EFCAB5: variants seen among roughly 807,000 people sequenced by gnomAD.
The protein encoded by EFCAB5 is EF-hand calcium-binding domain-containing protein 5.
Under a neutral mutation model 167.9 loss-of-function variants are expected in EFCAB5, and 131 were observed. That is an observed-to-expected ratio of 0.78 (90% CI 0.68 to 0.90). The LOEUF (loss-of-function observed/expected upper bound fraction) is 0.90, where lower values mean the gene tolerates loss of function less well. Among genes scored for constraint, EFCAB5 ranks in the 40% least tolerant of loss-of-function variants. The pLI is 0.00. For synonymous variants in EFCAB5, 574 were observed against 602.8 expected, an observed-to-expected ratio of 0.95 and a Z score of 0.70; for missense variants, 1,663 against 1,745.2, an observed-to-expected ratio of 0.95 and a Z score of 0.84.
At chr17:30,003,423 G>A (rs2068708359) in intron 7 of EFCAB5, among the ~76,000 whole-genome samples, 1 of 151,904 alleles carries the variant, frequency 6.6e-6, no homozygotes, top group Non-Finnish European at 1.5e-5. Context: ...TGTAGAAACA[G>A]GGTCTCCCTA....
At chr17:30,106,366 T>G (rs1020117247) in intron 22 of EFCAB5, among the ~76,000 whole-genome samples, 1 of 152,094 alleles carries the variant, frequency 6.6e-6, no homozygotes, top group Non-Finnish European at 1.5e-5. Context: ...AAACATGTAT[T>G]GGGTTAGGCA....
chr17:30,015,264 C>A (rs1171588864), intron 7 of EFCAB5, among the ~76,000 whole-genome samples: 2 of 152,140 alleles, frequency 1.3e-5, no homozygotes, highest in Admixed American at 1.3e-4. Context: ...GTAAATCTGA[C>A]AATTATGTGT....
At chr17:29,973,541 G>C (rs1410292111) in intron 4 of EFCAB5, among the ~76,000 whole-genome samples, 1 of 147,288 alleles carries the variant, frequency 6.8e-6, no homozygotes, top group Non-Finnish European at 1.5e-5. Context: ...GTGCAGTGGC[G>C]GGATCTTGGC....
intron 4 of EFCAB5, among the ~76,000 whole-genome samples, chr17:29,989,942 T>A (rs1264850250): frequency 1.3e-5 from 2 of 152,138 alleles, no homozygotes; most frequent in Non-Finnish European, 2.9e-5. Flanking sequence ...CCTTGCGAAT[T>A]TTTTCCTAGT....
chr17:29,934,988 T>G (rs917871257), intron 1 of EFCAB5, among the ~76,000 whole-genome samples: 2 of 151,778 alleles, frequency 1.3e-5, no homozygotes, highest in African/African-American at 4.8e-5. Flanking sequence ...ATGACTTATA[T>G]AGCTAAGCTT....
chr17:30,029,914 C>G (rs1234664500), intron 7 of EFCAB5, among the ~76,000 whole-genome samples: 1 of 152,096 alleles, frequency 6.6e-6, no homozygotes, highest in Non-Finnish European at 1.5e-5. Flanking sequence ...ACATTCTCAG[C>G]ATTAAGTCAG....
intron 7 of EFCAB5, among the ~76,000 whole-genome samples, chr17:30,031,505 A>G (rs2069478797): frequency 2.0e-5 from 3 of 152,238 alleles, no homozygotes; most frequent in Non-Finnish European, 4.4e-5. Context: ...GTAGACAAAC[A>G]CAATGGCTGA....
chr17:29,968,693 TAA>T (rs2067884284), intron 3 of EFCAB5, 96 bp from the exon 4 acceptor site: 2 of 971,656 alleles, frequency 2.1e-6, no homozygotes, highest in South Asian at 4.3e-5. Flanking sequence ...ATCCACTGTG[TAA>T]ATGGATATAA....
chr17:29,965,046 C>T lies in EFCAB5; in HGVS notation c.191-3745C>T, dbSNP rs1483831284. Among the ~76,000 whole-genome samples the T allele has an allele frequency of 5.3e-5, 8 of 151,756 alleles. No homozygotes were observed. In the East Asian group the frequency reaches 9.7e-4, roughly 18 times the overall value. ...CCTGCCGAGTAGTTCGGACTACAGGCGCCTGCCACCACATCCGGCTAATTT... is the reference window on the plus strand; with the variant it reads ...CCTGCCGAGTAGTTCGGACTACAGGTGCCTGCCACCACATCCGGCTAATTT... On this transcript the variant is annotated intron_variant, in intron 3 of 22. Coordinates refer to ENST00000394835, the MANE Select transcript of EFCAB5 (RefSeq NM_198529.4).
At chr17:29,952,210 C>A (rs1270008904) in intron 3 of EFCAB5, among the ~76,000 whole-genome samples, 3 of 152,182 alleles carry the variant, frequency 2.0e-5, no homozygotes, top group East Asian at 1.9e-4. Flanking sequence ...AGGTTCCTAG[C>A]TAGTTCCCTC....
At chr17:29,994,350 G>T (rs2068500205) in intron 5 of EFCAB5, among the ~76,000 whole-genome samples, 1 of 151,500 alleles carries the variant, frequency 6.6e-6, no homozygotes. Context: ...AAGTATAGAG[G>T]ATTCTTTGGA....
chr17:29,976,721 G>A (rs2068070547), intron 4 of EFCAB5, among the ~76,000 whole-genome samples: 1 of 152,072 alleles, frequency 6.6e-6, no homozygotes, highest in Non-Finnish European at 1.5e-5. Context: ...AAAAGAAAAT[G>A]TATTTGTTTT....
intron 14 of EFCAB5, among the ~76,000 whole-genome samples, chr17:30,066,375 T>A (rs933366288): frequency 2.0e-5 from 3 of 152,088 alleles, no homozygotes; most frequent in African/African-American, 7.2e-5. Context: ...GAATTTAAAA[T>A]TTTTTTTGAA....
chr17:29,963,027 A>T (rs2067752664), intron 3 of EFCAB5, among the ~76,000 whole-genome samples: 1 of 152,070 alleles, frequency 6.6e-6, no homozygotes, highest in African/African-American at 2.4e-5. Flanking sequence ...CTGAAGCCTC[A>T]AACTCCAGGG....
At chr17:30,030,099 C>A (rs771075434) in intron 7 of EFCAB5, among the ~76,000 whole-genome samples, 2 of 152,118 alleles carry the variant, frequency 1.3e-5, no homozygotes, top group African/African-American at 4.8e-5. Flanking sequence ...AGGCTCCCAT[C>A]GATTTTCACC....
At chr17:30,097,961 GC>G (rs1049612814) in intron 22 of EFCAB5, among the ~76,000 whole-genome samples, 4 of 151,864 alleles carry the variant, frequency 2.6e-5, no homozygotes, top group African/African-American at 9.7e-5. Context: ...TTGAGACAGG[GC>G]CCCCCTCTAT....
In EFCAB5 at chr17:30,090,213, C is replaced by T. The variant is rs1286593476; in HGVS notation, c.3684-208C>T. Among the ~76,000 whole-genome samples the T allele has an allele frequency of 2.0e-5, 3 of 152,168 alleles. No homozygotes were observed. The East Asian group carries it at 5.8e-4, about 29-fold the overall frequency. On this transcript the variant is annotated intron_variant, in intron 19 of 22. Coordinates refer to ENST00000394835, the MANE Select transcript of EFCAB5 (RefSeq NM_198529.4). Reference sequence around the variant, plus strand: ...GGGTGGTCAGGGACGCCTTCTCTGCCGAGGGGATGTTTGAGCAGAGACATG... The same window carrying T: ...GGGTGGTCAGGGACGCCTTCTCTGCTGAGGGGATGTTTGAGCAGAGACATG...
intron 8 of EFCAB5, among the ~76,000 whole-genome samples, chr17:30,045,806 C>T (rs2069910692): frequency 6.6e-6 from 1 of 151,132 alleles, no homozygotes; most frequent in African/African-American, 2.4e-5. Context: ...TCAAGACCTG[C>T]CTGGGCAACA....
chr17:30,097,877 C>T (rs2071326144), intron 22 of EFCAB5, among the ~76,000 whole-genome samples: 1 of 151,924 alleles, frequency 6.6e-6, no homozygotes, highest in African/African-American at 2.4e-5. Context: ...TTTATTAGTT[C>T]TAATTTATTT....
Sources: gnomAD v4.1 joint callset for allele counts (sites outside exome capture counted in the v4.1 genomes callset) on GRCh38, gnomAD v4.1.1 for gene constraint, MANE v1.5 for transcripts, NCBI Gene and HGNC (gene_info 2026-07-23, HGNC 2026-07-21) for gene names.